CPED1: variants seen among roughly 807,000 people sequenced by gnomAD.
The protein encoded by CPED1 is cadherin-like and PC-esterase domain-containing protein 1.
CPED1 carries 114 observed loss-of-function variants against 128.2 expected under a neutral mutation model. The ratio of observed to expected loss-of-function variants is 0.89; its 90% CI spans 0.76 to 1.04. The LOEUF (loss-of-function observed/expected upper bound fraction) is 1.04, where lower values mean the gene tolerates loss of function less well. CPED1 is among the 50% of genes least tolerant of loss of function. CPED1 has a pLI of 0.00. For missense variants in CPED1, 1,211 were observed against 1,207.1 expected (o/e 1.00, Z -0.05); for synonymous variants, 462 against 426.7 (o/e 1.08, Z -1.02).
intron 16 of CPED1, among the ~76,000 whole-genome samples, chr7:121,159,228 A>T (rs1796358216): frequency 6.6e-6 from 1 of 152,234 alleles, no homozygotes; most frequent in South Asian, 2.1e-4. Flanking sequence ...TATGTAAAAA[A>T]AATGGTATAA....
chr7:121,292,992 G>A (rs1027026839), intron 22 of CPED1, among the ~76,000 whole-genome samples: 1 of 152,148 alleles, frequency 6.6e-6, no homozygotes, highest in Non-Finnish European at 1.5e-5. Context: ...CACGAGGCAC[G>A]GGGGTCAGGA....
chr7:121,172,609 G>GATGA (rs1204427377), intron 16 of CPED1, among the ~76,000 whole-genome samples: 2 of 152,046 alleles, frequency 1.3e-5, no homozygotes, highest in Non-Finnish European at 2.9e-5. Context: ...TAAGTGGATG[G>GATGA]ATGAATGAAT....
At chr7:121,294,374 A>G (rs1246304136) in intron 22 of CPED1, among the ~76,000 whole-genome samples, 7 of 152,096 alleles carry the variant, frequency 4.6e-5, no homozygotes, top group Admixed American at 6.5e-5. Context: ...TGCTTCTTAA[A>G]ACCGCTGTTC....
chr7:120,991,206 C>T (rs370745358), intron 2 of CPED1, among the ~76,000 whole-genome samples: 3 of 152,054 alleles, frequency 2.0e-5, no homozygotes, highest in African/African-American at 7.3e-5. Flanking sequence ...ATTTGTTATC[C>T]GTAATGCCAG....
intron 3 of CPED1, among the ~76,000 whole-genome samples, chr7:121,023,786 C>T (rs76697625): frequency 9.1e-4 from 138 of 152,240 alleles, no homozygotes; most frequent in East Asian, 5.8e-3. Context: ...TTCTTTCCCC[C>T]CTCTAGCCCC....
At position 121,015,773 on chromosome 7, in the gene CPED1, A is replaced by G. The variant is rs999564612; in HGVS notation, c.358A>G (p.Thr120Ala). Residue 120 changes from threonine (T) to alanine (A), a missense_variant, in exon 3 of 23, where the codon ACT becomes GCT. Transcript: ENST00000310396. ...TELQLHQHILTQHGYTVVIAE... is the reference protein window; with the variant it reads ...TELQLHQHILAQHGYTVVIAE... ...GCTTCAGCTACACCAGCACATTCTG[A>G]CTCAACATGGCTATACGGTTGTCAT... 4.3e-6 allele frequency: 7 copies of G among 1,611,702 alleles called. No homozygotes were observed. In the African/African-American group the frequency reaches 8.0e-5, roughly 18 times the overall value.
chr7:121,178,375 T>C (rs1234835705), intron 16 of CPED1, among the ~76,000 whole-genome samples: 4 of 152,056 alleles, frequency 2.6e-5, no homozygotes, highest in Non-Finnish European at 5.9e-5. Flanking sequence ...CTTGCACCTA[T>C]TATACACATG....
chr7:121,292,144 A>G (rs1296578644), intron 22 of CPED1, among the ~76,000 whole-genome samples: 3 of 151,926 alleles, frequency 2.0e-5, no homozygotes, highest in African/African-American at 7.2e-5. Context: ...TTTCAGGTAC[A>G]CCAATCAAAT....
intron 2 of CPED1, among the ~76,000 whole-genome samples, chr7:121,002,532 A>G (rs557664264): frequency 6.6e-6 from 1 of 152,322 alleles, no homozygotes; most frequent in South Asian, 2.1e-4. Context: ...CCAATCATAC[A>G]AGCTAAACCT....
chr7:121,155,979 TAAACAACTC>T (rs966070753), intron 16 of CPED1, among the ~76,000 whole-genome samples: 6 of 152,086 alleles, frequency 3.9e-5, no homozygotes, highest in Admixed American at 1.3e-4. Context: ...CTAAAATATG[TAAACAACTC>T]AAACAACTCA....
At chr7:121,142,947 G>A (rs951869060) in intron 16 of CPED1, among the ~76,000 whole-genome samples, 1 of 151,978 alleles carries the variant, frequency 6.6e-6, no homozygotes, top group Non-Finnish European at 1.5e-5. Flanking sequence ...TAGTAAAAGA[G>A]AGGTATTGCT....
chr7:121,144,052 G>C (rs918697189), intron 16 of CPED1, among the ~76,000 whole-genome samples: 14 of 152,022 alleles, frequency 9.2e-5, no homozygotes, highest in African/African-American at 3.4e-4. Context: ...TGCTAGCAAG[G>C]ATGTGGAGAA....
At chr7:121,107,315 G>T (rs901651916) in intron 7 of CPED1, among the ~76,000 whole-genome samples, 1 of 150,642 alleles carries the variant, frequency 6.6e-6, no homozygotes, top group Non-Finnish European at 1.5e-5. Flanking sequence ...CTGATGACAG[G>T]AAAATATATT....
chr7:121,210,435 A>G (rs1190237880), intron 16 of CPED1, among the ~76,000 whole-genome samples: 2 of 152,074 alleles, frequency 1.3e-5, no homozygotes. Context: ...ATAAATGGAT[A>G]AAGTATAATA....
intron 2 of CPED1, among the ~76,000 whole-genome samples, chr7:121,008,568 A>G (rs1171047494): frequency 2.0e-5 from 3 of 151,698 alleles, no homozygotes. Flanking sequence ...ATAGGCAAGC[A>G]TTAGTTATAA....
chr7:121,053,139 C>G (rs907248063), intron 4 of CPED1, among the ~76,000 whole-genome samples: 2 of 152,174 alleles, frequency 1.3e-5, no homozygotes, highest in African/African-American at 4.8e-5. Context: ...AACCATGGTA[C>G]TTTCATCAAA....
At chr7:121,112,336 G>A (rs976558842) in intron 7 of CPED1, among the ~76,000 whole-genome samples, 3 of 152,174 alleles carry the variant, frequency 2.0e-5, no homozygotes, top group Non-Finnish European at 4.4e-5. Flanking sequence ...GATAGGCCCT[G>A]TGCATGTCAT....
intron 18 of CPED1, among the ~76,000 whole-genome samples, chr7:121,247,391 A>G (rs1798562872): frequency 6.6e-6 from 1 of 152,252 alleles, no homozygotes; most frequent in South Asian, 2.1e-4. Context: ...ATAGTAGAAC[A>G]AAAGGTGAAC....
chr7:121,218,637 A>T (rs978362394), intron 16 of CPED1, among the ~76,000 whole-genome samples: 1 of 152,016 alleles, frequency 6.6e-6, no homozygotes, highest in Non-Finnish European at 1.5e-5. Context: ...AGTTTTACTC[A>T]TAAGTGGGAG....
Sources: gnomAD v4.1 joint callset for allele counts (sites outside exome capture counted in the v4.1 genomes callset) on GRCh38, gnomAD v4.1.1 for gene constraint, MANE v1.5 for transcripts, NCBI Gene and HGNC (gene_info 2026-07-23, HGNC 2026-07-21) for gene names.